The following CAST variants were observed in gnomAD, a reference collection of about 807,000 sequenced individuals.
The protein encoded by CAST is MIR583 host.
A neutral mutation model predicts 119.6 loss-of-function variants in CAST; 76 were observed. That is an observed-to-expected ratio of 0.64 (90% CI 0.53 to 0.77). The LOEUF is 0.77. Among genes scored for constraint, CAST ranks in the 30% least tolerant of loss-of-function variants. CAST has a pLI of 0.00. For synonymous variants in CAST, 319 were observed against 331.6 expected (o/e 0.96, Z 0.41); for missense variants, 953 against 946.5 (o/e 1.01, Z -0.09).
At chr5:96,543,973 A>G (rs1745960073) in intron 1 of CAST, among the ~76,000 whole-genome samples, 1 of 152,206 alleles carries the variant, frequency 6.6e-6, no homozygotes, top group South Asian at 2.1e-4. Flanking sequence ...CTGTAGCTTT[A>G]CAGTGAGTCT....
At chr5:96,367,773 G>A in the CAST span, among the ~76,000 whole-genome samples, 2,507 of 152,120 alleles carry the variant, frequency 0.016, 78 homozygotes, top group African/African-American at 0.058. Flanking sequence ...TGTGCTTCCC[G>A]GGTGAGGTGA....
the CAST span, among the ~76,000 whole-genome samples, chr5:96,126,247 T>C: frequency 6.6e-6 from 1 of 152,136 alleles, no homozygotes; most frequent in Non-Finnish European, 1.5e-5. Flanking sequence ...TTGCTCCGTA[T>C]GGGACTTCTG....
At chr5:96,545,114 T>G (rs914085453) in intron 1 of CAST, 1 of 152,170 alleles carries the variant, frequency 6.6e-6, no homozygotes, top group Non-Finnish European at 1.5e-5. Context: ...CTGACTTTCT[T>G]TCTCATCTCT....
At chr5:96,561,786 G>GGTTTTTTTTTTTTTTTTT (rs1189100090) in intron 1 of CAST, among the ~76,000 whole-genome samples, 7 of 105,432 alleles carry the variant, frequency 6.6e-5, no homozygotes, top group South Asian at 3.6e-4. Flanking sequence ...TTATATATAT[G>GGTTTTTTTTTTTTTTTTT]TTTTTTTTTG....
chr5:96,668,382 G>C (rs1749615986), intron 1 of CAST, among the ~76,000 whole-genome samples: 1 of 152,170 alleles, frequency 6.6e-6, no homozygotes, highest in Non-Finnish European at 1.5e-5. Context: ...ACCTGATAAG[G>C]TTCCTTTGTA....
At chr5:96,009,852 T>C in the CAST span, among the ~76,000 whole-genome samples, 6 of 152,288 alleles carry the variant, frequency 3.9e-5, no homozygotes, top group East Asian at 9.7e-4. Context: ...GGGCACTTAG[T>C]TGAAAATTAT....
intron 1 of CAST, among the ~76,000 whole-genome samples, chr5:96,669,847 A>T (rs1461308363): frequency 6.6e-6 from 1 of 152,218 alleles, no homozygotes; most frequent in Non-Finnish European, 1.5e-5. Context: ...CCCCAAAACC[A>T]GTGGTTCTCA....
intron 1 of CAST, among the ~76,000 whole-genome samples, chr5:96,602,997 C>T (rs957598236): frequency 2.0e-5 from 3 of 152,206 alleles, no homozygotes; most frequent in East Asian, 3.9e-4. Context: ...ACAGCTGAAG[C>T]GTGATAAGTG....
Position 96,729,729 on chromosome 5 carries a change from A to G in CAST, c.549+4A>G. ...AGAGAAATCAACAGAACCAAAGGTA[A>G]ATGAAGCAGATTGATAGGAAAACCT... On this transcript the variant is annotated splice_donor_region_variant and intron_variant, in intron 8 of 31. Coordinates refer to ENST00000675179, the MANE Select transcript of CAST (RefSeq NM_001750.7). 2 of 1,274,684 alleles carry G rather than the reference A, an allele frequency of 1.6e-6. No individual in the cohort carries two copies. The highest frequency in any genetic ancestry group is 2.3e-6 in the Non-Finnish European group (2 of 870,380). The allele number at this position is 1,274,684 out of a possible 1,614,324, so 79.0% of individuals were successfully genotyped here. A position where few individuals can be genotyped will look rare whatever the true frequency, so the allele number is the denominator to read the frequency against.
the CAST span, among the ~76,000 whole-genome samples, chr5:96,169,233 A>T: frequency 2.6e-5 from 4 of 152,084 alleles, no homozygotes; most frequent in Admixed American, 2.6e-4. Flanking sequence ...TGACTGAGAT[A>T]ATGGGGGCTG....
At chr5:96,069,656 T>G in the CAST span, among the ~76,000 whole-genome samples, 1 of 57,172 alleles carries the variant, frequency 1.7e-5, no homozygotes, top group Non-Finnish European at 4.2e-5. Flanking sequence ...GTAATTAAAC[T>G]TTTTTTTTTT....
intron 1 of CAST, among the ~76,000 whole-genome samples, chr5:96,622,111 AG>A (rs1392067013): frequency 6.6e-6 from 1 of 151,088 alleles, no homozygotes; most frequent in Non-Finnish European, 1.5e-5. Context: ...CTGGGATTAC[AG>A]GCACCCACCA....
chr5:96,459,381 T>G, the CAST span, among the ~76,000 whole-genome samples: 1 of 152,092 alleles, frequency 6.6e-6, no homozygotes, highest in Non-Finnish European at 1.5e-5. Flanking sequence ...ATGCCAACCA[T>G]GTGGCACAAA....
the CAST span, among the ~76,000 whole-genome samples, chr5:96,504,698 T>C: frequency 6.6e-6 from 1 of 152,180 alleles, no homozygotes; most frequent in Non-Finnish European, 1.5e-5. Flanking sequence ...GTACACACAG[T>C]TGTGCAACTG....
the CAST span, among the ~76,000 whole-genome samples, chr5:96,047,506 G>A: frequency 3.3e-5 from 5 of 152,146 alleles, no homozygotes; most frequent in Non-Finnish European, 5.9e-5. Context: ...AAAGAAAAAA[G>A]AAGAGTAGAA....
chr5:96,761,166 A>C (rs1473687121), intron 24 of CAST: 1 of 152,232 alleles, frequency 6.6e-6, no homozygotes, highest in Non-Finnish European at 1.5e-5. Flanking sequence ...GCTTTGCGAT[A>C]CAAATTTCCA....
the CAST span, among the ~76,000 whole-genome samples, chr5:96,121,172 G>A: frequency 4.9e-3 from 748 of 152,260 alleles, 8 homozygotes; most frequent in East Asian, 0.024. Flanking sequence ...TCAAAAGGGC[G>A]TAGTGTTCAC....
chr5:96,506,248 CA>C, the CAST span, among the ~76,000 whole-genome samples: 1 of 152,166 alleles, frequency 6.6e-6, no homozygotes, highest in Admixed American at 6.5e-5. Flanking sequence ...AAGTACTTAG[CA>C]GAATTCCTGA....
chr5:96,541,686 T>A (rs1197735326), intron 1 of CAST, among the ~76,000 whole-genome samples: 1 of 152,234 alleles, frequency 6.6e-6, no homozygotes, highest in Non-Finnish European at 1.5e-5. Context: ...GTTTTTTCCT[T>A]TTCCAGAATG....
Sources: gnomAD v4.1 joint callset for allele counts (sites outside exome capture counted in the v4.1 genomes callset) on GRCh38, gnomAD v4.1.1 for gene constraint, MANE v1.5 for transcripts, NCBI Gene and HGNC (gene_info 2026-07-23, HGNC 2026-07-21) for gene names.